The following WASF2 variants were observed in gnomAD, a reference collection of about 807,000 sequenced individuals.
The protein encoded by WASF2 is actin-binding protein WASF2.
Under a neutral mutation model 45.0 loss-of-function variants are expected in WASF2, and 14 were observed. That is an observed-to-expected ratio of 0.31 (90% CI 0.21 to 0.49). The LOEUF is 0.49. Among genes scored for constraint, WASF2 ranks in the 20% least tolerant of loss-of-function variants. The probability of loss-of-function intolerance (pLI) is 0.99; values close to 1 mark genes in which losing one functional copy is unlikely to be tolerated. For synonymous variants in WASF2, 200 were observed against 236.3 expected (o/e 0.85, Z 1.41); for missense variants, 439 against 636.1 (o/e 0.69, Z 3.33).
chr1:27,423,858 T>C (rs2016940937), intron 2 of WASF2, among the ~76,000 whole-genome samples: 1 of 152,218 alleles, frequency 6.6e-6, no homozygotes, highest in Admixed American at 6.5e-5. Context: ...GTGGGAGTCT[T>C]GGAGCTCCCC....
intron 1 of WASF2, among the ~76,000 whole-genome samples, chr1:27,475,146 A>T (rs950382417): frequency 2.0e-5 from 3 of 151,984 alleles, no homozygotes; most frequent in Admixed American, 6.6e-5. Flanking sequence ...GTGTGGTGTT[A>T]TGTAACTGTA....
chr1:27,433,133 T>C (rs2474295), intron 1 of WASF2, among the ~76,000 whole-genome samples: 125,518 of 152,224 alleles, frequency 0.82, 52,713 homozygotes, highest in Admixed American at 0.91. Context: ...AATATTTACA[T>C]TAAAAGTTTA....
In WASF2 at chr1:27,407,983, C is replaced by T; in HGVS notation, c.*206G>A. 1.9e-6 allele frequency: 1 copy of T among 519,624 alleles called. No homozygotes were observed. The highest frequency in any genetic ancestry group is 3.3e-6 in the Non-Finnish European group (1 of 303,098). The allele number at this position is 519,624 out of a possible 1,614,324, so 32.2% of individuals were successfully genotyped here. A position where few individuals can be genotyped will look rare whatever the true frequency, so the allele number is the denominator to read the frequency against. On this transcript the variant is annotated 3_prime_UTR_variant, in exon 9 of 9. Coordinates refer to ENST00000618852, the MANE Select transcript of WASF2 (RefSeq NM_006990.5). ...ATCCCAGCTACTGAACCTCAGGAGCCCCACAGGGCCTGAAAATGGGGAGAG... is the reference window on the plus strand; with the variant it reads ...ATCCCAGCTACTGAACCTCAGGAGCTCCACAGGGCCTGAAAATGGGGAGAG...
chr1:27,423,673 C>T (rs1040741547), intron 2 of WASF2, among the ~76,000 whole-genome samples: 18 of 152,190 alleles, frequency 1.2e-4, no homozygotes, highest in African/African-American at 4.1e-4. Context: ...AAGACAGACC[C>T]AATATCCATC....
chr1:27,478,596 T>A (rs1022867032), intron 1 of WASF2, among the ~76,000 whole-genome samples: 1 of 152,156 alleles, frequency 6.6e-6, no homozygotes, highest in Non-Finnish European at 1.5e-5. Flanking sequence ...TTTTTCCTTT[T>A]TTTGAGATGG....
chr1:27,417,667 C>T (rs994823297), intron 4 of WASF2, among the ~76,000 whole-genome samples: 12 of 152,188 alleles, frequency 7.9e-5, no homozygotes, highest in African/African-American at 2.9e-4. Flanking sequence ...TATAAGGCTA[C>T]CTTCTTTTTC....
intron 1 of WASF2, among the ~76,000 whole-genome samples, chr1:27,473,790 AC>A (rs1400346074): frequency 2.6e-5 from 4 of 152,248 alleles, no homozygotes; most frequent in Non-Finnish European, 4.4e-5. Context: ...ATTAATAAAA[AC>A]AAGAAAGATA....
chr1:27,466,934 C>G (rs1046759817), intron 1 of WASF2, among the ~76,000 whole-genome samples: 6 of 151,920 alleles, frequency 3.9e-5, no homozygotes, highest in Non-Finnish European at 7.4e-5. Flanking sequence ...ACTTTTCAGG[C>G]TGGGGTGCGG....
intron 1 of WASF2, among the ~76,000 whole-genome samples, chr1:27,464,405 T>C (rs1172837174): frequency 6.6e-6 from 1 of 152,050 alleles, no homozygotes. Context: ...TACTTTCATA[T>C]CTTTCATTAA....
chr1:27,440,482 A>G (rs930032923), intron 1 of WASF2, among the ~76,000 whole-genome samples: 1 of 152,002 alleles, frequency 6.6e-6, no homozygotes, highest in Non-Finnish European at 1.5e-5. Context: ...TGATCACACC[A>G]CTGCACTCCA....
At chr1:27,435,816 T>C (rs929261297) in intron 1 of WASF2, among the ~76,000 whole-genome samples, 3 of 152,234 alleles carry the variant, frequency 2.0e-5, no homozygotes, top group Admixed American at 6.5e-5. Context: ...TAGCTGTTCA[T>C]GACAAATAAA....
chr1:27,415,910 A>G, intron 5 of WASF2, 75 bp downstream of exon 5: 11 of 1,275,272 alleles, frequency 8.6e-6, no homozygotes, highest in Non-Finnish European at 1.2e-5. Flanking sequence ...TACTTCACAT[A>G]ACACTGGCTT....
intron 2 of WASF2, among the ~76,000 whole-genome samples, chr1:27,424,335 CTACCTG>C (rs2016947841): frequency 6.6e-6 from 1 of 152,210 alleles, no homozygotes. Context: ...CCGCCTATCC[CTACCTG>C]TGCCCCCACT....
At chr1:27,451,831 T>C (rs1242386947) in intron 1 of WASF2, among the ~76,000 whole-genome samples, 1 of 152,224 alleles carries the variant, frequency 6.6e-6, no homozygotes, top group East Asian at 1.9e-4. Flanking sequence ...TACCCTCAGA[T>C]GACGCCTAAA....
At chr1:27,419,328 G>A (rs1343123485) in intron 2 of WASF2, among the ~76,000 whole-genome samples, 4 of 152,196 alleles carry the variant, frequency 2.6e-5, no homozygotes, top group South Asian at 2.1e-4. Context: ...GACGTGAACA[G>A]TCATGAGACT....
At chr1:27,413,146 AT>A (rs1425759306) in intron 6 of WASF2, among the ~76,000 whole-genome samples, 2 of 152,224 alleles carry the variant, frequency 1.3e-5, no homozygotes, top group African/African-American at 2.4e-5. Context: ...ACACAGACTG[AT>A]TTTGAGGTCA....
At position 27,405,528 on chromosome 1, in the gene WASF2, CG is replaced by C. The variant is rs2016656904; in HGVS notation, c.*2660del. 1 of 149,694 alleles carries C rather than the reference CG, an allele frequency of 6.7e-6. No individual in the cohort carries two copies. The highest frequency in any genetic ancestry group is 2.5e-5 in the African/African-American group (1 of 40,528). The allele number at this position is 149,694 out of a possible 1,614,324, so 9.3% of individuals were successfully genotyped here. A position where few individuals can be genotyped will look rare whatever the true frequency, so the allele number is the denominator to read the frequency against. ...TCACTAAACTTTGCATTCTACATTA[CG>C]TGAGTCCAAAAACAGGATTACCTGC... On this transcript the variant is annotated 3_prime_UTR_variant, in exon 9 of 9. Transcript: ENST00000618852.
intron 1 of WASF2, among the ~76,000 whole-genome samples, chr1:27,473,276 G>A (rs190977555): frequency 6.9e-4 from 104 of 151,664 alleles, no homozygotes; most frequent in Admixed American, 2.9e-3. Flanking sequence ...GTCAGGAGAT[G>A]AAGACCATCC....
Position 27,418,999 on chromosome 1 carries a change from G to A in WASF2, c.220C>T (p.Arg74Ter). ...AGCTGAGTGACTTTAACCTGTAGTC[G>A]GTCGACCCTCTCAGCAAGGGAGCTT... is the stretch of plus-strand genomic sequence containing the variant. ...RVSSLAERVDRLQVKVTQLDP... is the reference protein window; with the variant it reads ...RVSSLAERVD The change falls in exon 3 of 9, where the codon CGA (arginine) becomes TGA (stop). Residue 74 changes from arginine (R) to a stop codon, truncating the protein, a stop_gained. Transcript: ENST00000618852. LOFTEE classifies it high-confidence loss of function. The A allele has an allele frequency of 6.2e-7, 1 of 1,613,824 alleles. No homozygotes were observed. Among genetic ancestry groups the A allele is most frequent in the Non-Finnish European group, 8.5e-7 (1 of 1,179,944 alleles).
Sources: allele counts gnomAD v4.1 joint callset (sites outside exome capture counted in the v4.1 genomes callset), GRCh38; gene constraint gnomAD v4.1.1; transcripts MANE v1.5; gene names NCBI Gene and HGNC (gene_info 2026-07-23, HGNC 2026-07-21).